ZBTB5: variants seen among roughly 807,000 people sequenced by gnomAD.
ZBTB5 encodes the protein zinc finger and BTB domain-containing protein 5.
A neutral mutation model predicts 37.9 loss-of-function variants in ZBTB5; 15 were observed. The observed-to-expected ratio is 0.40, with a 90% CI of 0.26 to 0.61. ZBTB5 has a LOEUF of 0.61. Ranked by LOEUF, ZBTB5 falls within the 20% of genes least tolerant of loss-of-function variation. ZBTB5 has a pLI of 0.47. For missense variants in ZBTB5, 708 were observed against 856.8 expected (o/e 0.83, Z 2.17); for synonymous variants, 315 against 312.4 (o/e 1.01, Z -0.09).
chr9:37,440,977 T>A lies in ZBTB5; in HGVS notation c.1575A>T (p.Pro525=), dbSNP rs772974726. ...AAGGAAAGTTACTGGCTCCTCCCCT[T>A]GGGGAACCTATCATTACCCTGGAGA... ...SSFSRVMIGS[P]RGGASNFPYY... Residue 525 remains proline, a synonymous_variant, in exon 2 of 2, where the codon CCA becomes CCT. Transcript: ENST00000307750. 1 of 1,614,228 alleles carries A rather than the reference T, an allele frequency of 6.2e-7. No individual in the cohort carries two copies. Among genetic ancestry groups the A allele is most frequent in the Non-Finnish European group, 8.5e-7 (1 of 1,180,040 alleles).
rs983337531 is a variant in ZBTB5, at chr9:37,440,374, CAT to C, written c.*142_*143del. The C allele has an allele frequency of 7.3e-5, 48 of 657,318 alleles. No individual in the cohort carries two copies. Among genetic ancestry groups the C allele is most frequent in the Admixed American group, 5.5e-4 (19 of 34,490 alleles). The allele number at this position is 657,318 out of a possible 1,614,324, so 40.7% of individuals were successfully genotyped here. On this transcript the variant is annotated 3_prime_UTR_variant, in exon 2 of 2. Transcript: ENST00000307750. ...CAGAAATGCAGCAGCACAAATACTA[CAT>C]GTTAGTTCTCCGGTTATTAGTTGCT...
intron 1 of ZBTB5, among the ~76,000 whole-genome samples, chr9:37,455,779 T>TA: frequency 6.6e-6 from 1 of 151,956 alleles, no homozygotes; most frequent in East Asian, 1.9e-4. Flanking sequence ...GTAGAGACGA[T>TA]ATAGATGAAA....
In ZBTB5 at chr9:37,441,343, A is replaced by T. The variant is rs780097533; in HGVS notation, c.1209T>A (p.His403Gln). ...AATTCGAAATACTAAAAGTGGACTT[A>T]TGCTCTAGGTTATTTGTGACTTCCA... is the stretch of plus-strand genomic sequence containing the variant. ...HILEVTNNLE[H>Q]KSTFSISNFL... The change falls in exon 2 of 2, where the codon CAT becomes CAA. Residue 403 changes from histidine to glutamine, a missense_variant. By Grantham distance (24) the His-to-Gln change is conservative (BLOSUM62 0). Transcript: ENST00000307750. The T allele has an allele frequency of 6.2e-7, 1 of 1,614,144 alleles. No homozygotes were observed. The highest frequency in any genetic ancestry group is 1.1e-5 in the South Asian group (1 of 91,086).
At chr9:37,444,360 G>A (rs549616282) in intron 1 of ZBTB5, among the ~76,000 whole-genome samples, 50 of 152,102 alleles carry the variant, frequency 3.3e-4, no homozygotes, top group Admixed American at 1.1e-3. Flanking sequence ...CACCACACCC[G>A]GCTAATTTTT....
intron 1 of ZBTB5, among the ~76,000 whole-genome samples, chr9:37,445,473 C>G (rs573725731): frequency 2.0e-5 from 3 of 151,910 alleles, no homozygotes; most frequent in East Asian, 1.9e-4. Flanking sequence ...GGGGCAAAAC[C>G]CCATCTCTTA....
intron 1 of ZBTB5, among the ~76,000 whole-genome samples, chr9:37,464,317 G>C (rs998530595): frequency 1.3e-5 from 2 of 152,168 alleles, no homozygotes; most frequent in African/African-American, 4.8e-5. Flanking sequence ...GAATATTTTT[G>C]CTTCAATTTT....
chr9:37,449,242 AAAAT>A lies in ZBTB5; in HGVS notation c.-4-6691_-4-6688del, dbSNP rs745749047. ...TAACAAAAAGAAAAAAGTTATTTAA[AAAAT>A]AAATAAATAGTTTCCAAAAACATAA... On this transcript the variant is annotated intron_variant, in intron 1 of 1. Coordinates refer to ENST00000307750, the MANE Select transcript of ZBTB5 (RefSeq NM_014872.3). Among the ~76,000 whole-genome samples the A allele has an allele frequency of 1.6e-4, 24 of 152,216 alleles. 1 individual carries two copies. The highest frequency in any genetic ancestry group is 2.4e-4 in the Non-Finnish European group (16 of 68,050).
At chr9:37,465,022 C>G (rs1824365828) in intron 1 of ZBTB5, among the ~76,000 whole-genome samples, 193 bp downstream of exon 1, 1 of 152,122 alleles carries the variant, frequency 6.6e-6, no homozygotes, top group Non-Finnish European at 1.5e-5. Context: ...ACCGGGGACG[C>G]CTGCGCAGAA....
chr9:37,464,093 A>C (rs943321653), intron 1 of ZBTB5, among the ~76,000 whole-genome samples: 18 of 152,156 alleles, frequency 1.2e-4, no homozygotes, highest in Non-Finnish European at 2.5e-4. Context: ...CTATTAGCTT[A>C]CTGCCAACCA....
chr9:37,438,526 C>T lies in ZBTB5; in HGVS notation c.*1992G>A, dbSNP rs964787958. 5 of 152,252 alleles carry T rather than the reference C, an allele frequency of 3.3e-5. No individual in the cohort carries two copies. Among genetic ancestry groups the T allele is most frequent in the African/African-American group, 1.2e-4 (5 of 41,442 alleles). The allele number at this position is 152,252 out of a possible 1,614,324, so 9.4% of individuals were successfully genotyped here. On this transcript the variant is annotated 3_prime_UTR_variant, in exon 2 of 2. Coordinates refer to ENST00000307750, the MANE Select transcript of ZBTB5 (RefSeq NM_014872.3). ...CAGAGATAAGCCCCAAAAGCAAAGTCCACTTATGCTTCAGCAGAGGTAAGC... is the reference window on the plus strand; with the variant it reads ...CAGAGATAAGCCCCAAAAGCAAAGTTCACTTATGCTTCAGCAGAGGTAAGC...
intron 1 of ZBTB5, among the ~76,000 whole-genome samples, chr9:37,464,109 C>G (rs1410018): frequency 6.6e-6 from 1 of 151,984 alleles, no homozygotes; most frequent in Non-Finnish European, 1.5e-5. Context: ...AACCACCGTC[C>G]CCACAGAAAT....
chr9:37,444,399 C>G (rs1328933388), intron 1 of ZBTB5, among the ~76,000 whole-genome samples: 1 of 152,086 alleles, frequency 6.6e-6, no homozygotes, highest in African/African-American at 2.4e-5. Flanking sequence ...GGGGTTTTAC[C>G]TTGTTGGTCA....
chr9:37,444,138 T>C (rs1022398215), intron 1 of ZBTB5, among the ~76,000 whole-genome samples: 2 of 152,166 alleles, frequency 1.3e-5, no homozygotes, highest in African/African-American at 4.8e-5. Context: ...TCAGGTCCAA[T>C]ATCTTGACTA....
chr9:37,457,879 T>G (rs1462792546), intron 1 of ZBTB5, among the ~76,000 whole-genome samples: 1 of 152,210 alleles, frequency 6.6e-6, no homozygotes, highest in Non-Finnish European at 1.5e-5. Context: ...AGGTAGGTAT[T>G]GGATAGTGAC....
In ZBTB5 at chr9:37,438,326, G is replaced by A. The variant is rs1006171657; in HGVS notation, c.*2192C>T. 5 of 152,558 alleles carry A rather than the reference G, an allele frequency of 3.3e-5. No homozygotes were observed. The highest frequency in any genetic ancestry group is 5.9e-5 in the Non-Finnish European group (4 of 68,032). The allele number at this position is 152,558 out of a possible 1,614,324, so 9.5% of individuals were successfully genotyped here. ...TCCAGGTAGAAACTACAGATCATAGGAACCCTGGGACTGGTTTTCCAGGGA... is the reference window on the plus strand; with the variant it reads ...TCCAGGTAGAAACTACAGATCATAGAAACCCTGGGACTGGTTTTCCAGGGA... On this transcript the variant is annotated 3_prime_UTR_variant, in exon 2 of 2. Coordinates refer to ENST00000307750, the MANE Select transcript of ZBTB5 (RefSeq NM_014872.3).
chr9:37,444,359 C>T (rs309449), intron 1 of ZBTB5, among the ~76,000 whole-genome samples: 4 of 152,050 alleles, frequency 2.6e-5, no homozygotes, highest in African/African-American at 7.2e-5. Context: ...CCACCACACC[C>T]GGCTAATTTT....
At chr9:37,447,305 C>T (rs950038053) in intron 1 of ZBTB5, among the ~76,000 whole-genome samples, 1 of 152,140 alleles carries the variant, frequency 6.6e-6, no homozygotes, top group Admixed American at 6.5e-5. Flanking sequence ...GGGGAAACCA[C>T]CCCCAGGATC....
chr9:37,455,985 T>C (rs1824181094), intron 1 of ZBTB5, among the ~76,000 whole-genome samples: 1 of 151,310 alleles, frequency 6.6e-6, no homozygotes, highest in African/African-American at 2.4e-5. Context: ...GATCTCACTC[T>C]CTCACTCAGG....
At chr9:37,462,219 C>A (rs1824306111) in intron 1 of ZBTB5, among the ~76,000 whole-genome samples, 1 of 152,124 alleles carries the variant, frequency 6.6e-6, no homozygotes, top group South Asian at 2.1e-4. Flanking sequence ...AAAAAAACTG[C>A]CAATTAAGCT....
Sources: gnomAD v4.1 joint callset for allele counts (sites outside exome capture counted in the v4.1 genomes callset) on GRCh38, gnomAD v4.1.1 for gene constraint, MANE v1.5 for transcripts, NCBI Gene and HGNC (gene_info 2026-07-23, HGNC 2026-07-21) for gene names.